SLC6A12: variants seen among roughly 807,000 people sequenced by gnomAD.
SLC6A12 encodes the protein solute carrier family 6 member 12.
In SLC6A12, 50 loss-of-function variants were observed where a neutral mutation model predicts 73.3. That is an observed-to-expected ratio of 0.68 (90% confidence interval 0.54 to 0.86). The LOEUF (loss-of-function observed/expected upper bound fraction) is 0.86, where lower values mean the gene tolerates loss of function less well. SLC6A12 is among the 40% of genes least tolerant of loss of function. The pLI is 0.00. For missense variants in SLC6A12, 648 were observed against 772.8 expected (o/e 0.84, Z 1.92); for synonymous variants, 304 against 309.2 (o/e 0.98, Z 0.18).
At chr12:187,661 C>T (rs1939461372), downstream of SLC6A12, among the ~76,000 whole-genome samples, 1 of 140,786 alleles carries the variant, frequency 7.1e-6, no homozygotes, top group Non-Finnish European at 1.5e-5. Flanking sequence ...CCACTGCACA[C>T]AACGCGACCC....
At chr12:186,880 TGTG>T (rs1453675160), downstream of SLC6A12, among the ~76,000 whole-genome samples, 1 of 152,200 alleles carries the variant, frequency 6.6e-6, no homozygotes, top group African/African-American at 2.4e-5. Flanking sequence ...GGCTGGAGCC[TGTG>T]GTAACCCTGC....
At chr12:203,083 T>G (rs1940379292) in intron 4 of SLC6A12, among the ~76,000 whole-genome samples, 1 of 101,966 alleles carries the variant, frequency 9.8e-6, no homozygotes, top group Non-Finnish European at 1.9e-5. Flanking sequence ...TTTTTTTTTT[T>G]TGAGATGGAG....
At chr12:197,749 A>T in intron 9 of SLC6A12, 151 bp downstream of exon 9, 1 of 665,516 alleles carries the variant, frequency 1.5e-6, no homozygotes, top group Non-Finnish European at 2.6e-6. Flanking sequence ...GAAGGAAGAC[A>T]TTTAGTCTGG....
chr12:192,507 G>A lies in SLC6A12; in HGVS notation c.1672C>T (p.Leu558Phe), dbSNP rs1311432408. Residue 558 changes from leucine to phenylalanine, a missense_variant, in exon 15 of 16, where the codon CTC becomes TTC. Physicochemically the swap from Leu to Phe is conservative, Grantham distance 22 (BLOSUM62 0). Coordinates refer to ENST00000684302, the MANE Select transcript of SLC6A12 (RefSeq NM_001122848.3). ...CTGAAAGGACCCCGAGTCTTCAGGA[G>A]GGTGATGACGACGAAGAGTGGGACA... is the stretch of plus-strand genomic sequence containing the variant. ...VCVPLFVVIT[L>F]LKTRGPFRKR... is the part of the protein sequence containing the mutation. The A allele has an allele frequency of 6.2e-7, 1 of 1,614,138 alleles. No individual in the cohort carries two copies. Among genetic ancestry groups the A allele is most frequent in the South Asian group, 1.1e-5 (1 of 91,068 alleles).
At chr12:189,711 C>T (rs75572847), downstream of SLC6A12, among the ~76,000 whole-genome samples, 12,823 of 152,142 alleles carry the variant, frequency 0.084, 1,025 homozygotes, top group African/African-American at 0.22. Flanking sequence ...CAAACCCTGC[C>T]TCCTCCTCCA....
chr12:200,406 CA>C (rs1940192223), intron 7 of SLC6A12, among the ~76,000 whole-genome samples: 1 of 152,196 alleles, frequency 6.6e-6, no homozygotes, highest in South Asian at 2.1e-4. Flanking sequence ...CTGCACCCGG[CA>C]GCCCTGAATA....
At chr12:196,917 G>C (rs777894029) in intron 10 of SLC6A12, 35 bp from the exon 11 acceptor site, 1 of 1,497,582 alleles carries the variant, frequency 6.7e-7, no homozygotes, top group Non-Finnish European at 9.3e-7. Flanking sequence ...GGAGGCTCCA[G>C]GGCGTGTGCT....
chr12:195,397 T>C, intron 12 of SLC6A12, 70 bp from the exon 13 acceptor site: 1 of 1,009,034 alleles, frequency 9.9e-7, no homozygotes. Flanking sequence ...CTCAGTGAGA[T>C]GGCAAATGCC....
At chr12:185,782 G>A (rs1939419776), downstream of SLC6A12, among the ~76,000 whole-genome samples, 2 of 152,336 alleles carry the variant, frequency 1.3e-5, no homozygotes, top group South Asian at 2.1e-4. Context: ...GAGCGCTGGA[G>A]TGCGGGTCGC....
chr12:198,148 G>C lies in SLC6A12; in HGVS notation c.847-145C>G. On this transcript the variant is annotated intron_variant, in intron 8 of 15. Transcript: ENST00000684302. This position sits in a 1 kb window ranked among gnomAD's most constrained non-coding sequence, Gnocchi z 4.0. ...TCCCTCCTGCATCCCAACTCTCCGT[G>C]AGTGCGCCCTCCGGTCTCCACGGTG... 1.5e-6 allele frequency: 1 copy of C among 646,988 alleles called. No individual in the cohort carries two copies. Among genetic ancestry groups the C allele is most frequent in the Non-Finnish European group, 2.7e-6 (1 of 365,440 alleles). 40.1% of individuals were successfully genotyped at this position (646,988 alleles called of 1,614,324 possible). A position where few individuals can be genotyped will look rare whatever the true frequency, so the allele number is the denominator to read the frequency against.
At chr12:210,361 C>T (rs868765938) in intron 2 of SLC6A12, 77 of 1,113,928 alleles carry the variant, frequency 6.9e-5, no homozygotes, top group African/African-American at 8.2e-5. Context: ...CCATCCCAGC[C>T]GGCCCATCTG....
At chr12:211,108 G>A (rs1940888565) in intron 2 of SLC6A12, 1 of 152,196 alleles carries the variant, frequency 6.6e-6, no homozygotes. Flanking sequence ...GGCTGTAGAG[G>A]GGAGCACCCA....
chr12:187,966 C>T (rs2137092944), downstream of SLC6A12, among the ~76,000 whole-genome samples: 1 of 152,296 alleles, frequency 6.6e-6, no homozygotes, highest in East Asian at 1.9e-4. Flanking sequence ...GAGCTAGATA[C>T]AGAGTGCCGA....
chr12:192,123 C>T lies in SLC6A12; in HGVS notation c.1701+355G>A, dbSNP rs141877751. On this transcript the variant is annotated intron_variant, in intron 15 of 15. Transcript: ENST00000684302. ...CTGTGCTTGCTGGTTATCAGTTTTC[C>T]GAGGGCAAGGAATCTATAGTCTTGT... 8.4e-3 allele frequency among the ~76,000 whole-genome samples: 1,274 copies of T among 152,240 alleles called. 10 individuals carry two copies. Among genetic ancestry groups the T allele is most frequent in the Non-Finnish European group, 0.013 (864 of 68,006 alleles).
At position 214,116 on chromosome 12, in the gene SLC6A12, A is replaced by C. The variant is rs1449373871; in HGVS notation, c.-337T>G. On this transcript the variant is annotated 5_prime_UTR_variant, in exon 1 of 16. Coordinates refer to ENST00000684302, the MANE Select transcript of SLC6A12 (RefSeq NM_001122848.3). The surrounding 1 kb of genome is among the most constrained non-coding windows in gnomAD (Gnocchi z 4.2). The stretch of plus-strand genomic sequence containing the variant: ...GACTTGTCCAGGGACTCCCAGACAG[A>C]AAGAAGCCGTGTGTGTATGTGTTGG... 6.5e-6 allele frequency: 1 copy of C among 152,754 alleles called. No homozygotes were observed. The highest frequency in any genetic ancestry group is 1.9e-4 in the East Asian group (1 of 5,214). The allele number at this position is 152,754 out of a possible 1,614,324, so 9.5% of individuals were successfully genotyped here.
At chr12:209,547 C>T in intron 3 of SLC6A12, 2 of 586,090 alleles carry the variant, frequency 3.4e-6, no homozygotes, top group East Asian at 5.7e-5. Context: ...TGGTCCTGCC[C>T]ATTGCCCAGT....
Position 195,254 on chromosome 12 carries a change from A to C in SLC6A12, c.1400T>G (p.Phe467Cys), listed in dbSNP as rs567832400. 2.5e-6 allele frequency: 4 copies of C among 1,613,288 alleles called. No individual in the cohort carries two copies. The East Asian group carries it at 8.9e-5, about 36-fold the overall frequency. ...CACCCAGCTTATGCAGACCACTTCA[A>C]ACAATGACAGGAACAGCAGGCATAT... Reference protein sequence around the residue: ...SGICLLFLSLFEVVCISWVYG... With the variant: ...SGICLLFLSLCEVVCISWVYG... The change falls in exon 13 of 16, where the codon TTT becomes TGT. Residue 467 changes from phenylalanine (F) to cysteine (C), a missense_variant. Phe to Cys is a radical substitution (Grantham distance 205). Transcript: ENST00000684302.
intron 15 of SLC6A12, among the ~76,000 whole-genome samples, chr12:192,188 G>A (rs1939630439): frequency 6.6e-6 from 1 of 152,172 alleles, no homozygotes; most frequent in African/African-American, 2.4e-5. Context: ...TCATGTTTGT[G>A]ACTTAGTTTT....
At chr12:200,309 C>G (rs550748987) in intron 7 of SLC6A12, among the ~76,000 whole-genome samples, 1 of 150,906 alleles carries the variant, frequency 6.6e-6, no homozygotes, top group Non-Finnish European at 1.5e-5. Flanking sequence ...GGGGTTTTAC[C>G]GTGTTAGCCA....
Sources: allele counts gnomAD v4.1 joint callset (sites outside exome capture counted in the v4.1 genomes callset), GRCh38; gene constraint gnomAD v4.1.1; non-coding constraint Gnocchi (gnomAD v3.1); transcripts MANE v1.5; gene names NCBI Gene and HGNC (gene_info 2026-07-23, HGNC 2026-07-21).